EIF4ENIF1: variants seen among roughly 807,000 people sequenced by gnomAD.
EIF4ENIF1 encodes eukaryotic translation initiation factor 4E nuclear import factor 1.
Under a neutral mutation model 110.5 loss-of-function variants are expected in EIF4ENIF1, and 23 were observed. The ratio of observed to expected loss-of-function variants is 0.21; its 90% CI spans 0.15 to 0.29. EIF4ENIF1 has a LOEUF of 0.29. Ranked by LOEUF, EIF4ENIF1 falls within the 10% of genes least tolerant of loss-of-function variation. The pLI is 1.00. For missense variants in EIF4ENIF1, 1,031 were observed against 1,221.1 expected, an observed-to-expected ratio of 0.84 and a Z score of 2.32; for synonymous variants, 440 against 437.0, an observed-to-expected ratio of 1.01 and a Z score of -0.09.
rs182495513 is a variant in EIF4ENIF1, at chr22:31,479,129, C to T, written c.97-7212G>A. On this transcript the variant is annotated intron_variant, in intron 2 of 18. Transcript: ENST00000330125. ...ATGGAATCTCACTCTGTCACCAAGG[C>T]GATCTCAGCTCACTGCAACCTCTGC... Among the ~76,000 whole-genome samples, 5 of 150,732 alleles carry T rather than the reference C, an allele frequency of 3.3e-5. No homozygotes were observed. In the East Asian group the frequency reaches 9.8e-4, roughly 30 times the overall value.
intron 4 of EIF4ENIF1, among the ~76,000 whole-genome samples, chr22:31,466,282 G>A (rs905091322): frequency 5.3e-5 from 8 of 152,116 alleles, no homozygotes; most frequent in South Asian, 2.1e-4. Context: ...GCATGGTGGC[G>A]CACGCCTATA....
chr22:31,453,659 C>T (rs1601585042), intron 10 of EIF4ENIF1, among the ~76,000 whole-genome samples: 1 of 152,284 alleles, frequency 6.6e-6, no homozygotes. Flanking sequence ...ACGCGTGAGC[C>T]ACTGTGCTCA....
chr22:31,470,781 C>G (rs2051349085), intron 3 of EIF4ENIF1, among the ~76,000 whole-genome samples: 1 of 149,612 alleles, frequency 6.7e-6, no homozygotes, highest in Non-Finnish European at 1.5e-5. Flanking sequence ...CTCCTGGGCT[C>G]AAGCAAACCT....
At chr22:31,461,740 A>C (rs2051001566) in intron 6 of EIF4ENIF1, 1 of 152,190 alleles carries the variant, frequency 6.6e-6, no homozygotes, top group Non-Finnish European at 1.5e-5. Flanking sequence ...TCCTGAAACT[A>C]AGTTTGAGAG....
intron 14 of EIF4ENIF1, among the ~76,000 whole-genome samples, 191 bp from the exon 15 acceptor site, chr22:31,444,881 A>C (rs866072434): frequency 9.9e-5 from 15 of 152,244 alleles, no homozygotes; most frequent in African/African-American, 2.9e-4. Flanking sequence ...AAGGAAAATG[A>C]AACACAGTCC....
intron 2 of EIF4ENIF1, among the ~76,000 whole-genome samples, chr22:31,472,898 A>G (rs1429356134): frequency 6.6e-6 from 1 of 152,148 alleles, no homozygotes; most frequent in African/African-American, 2.4e-5. Context: ...CTGCTCTGCT[A>G]TCAAACATTA....
At chr22:31,464,699 AATATATATAT>A (rs1230573468) in intron 4 of EIF4ENIF1, among the ~76,000 whole-genome samples, 9 of 39,106 alleles carry the variant, frequency 2.3e-4, no homozygotes, top group South Asian at 8.5e-4. Context: ...AAAAAAAAAA[AATATATATAT>A]ATATATATAT....
At chr22:31,443,266 G>A in intron 15 of EIF4ENIF1, 172 bp from the exon 16 acceptor site, 1 of 854,422 alleles carries the variant, frequency 1.2e-6, no homozygotes. Context: ...GGGCAAATAG[G>A]CAGTGTCCCA....
At chr22:31,445,953 G>GCGCC in intron 14 of EIF4ENIF1, among the ~76,000 whole-genome samples, 1 of 97,452 alleles carries the variant, frequency 1.0e-5, no homozygotes, top group East Asian at 4.3e-4. Flanking sequence ...GTTACGTACC[G>GCGCC]CCCCCCCCCC....
intron 11 of EIF4ENIF1, 80 bp downstream of exon 11, chr22:31,450,209 A>T: frequency 1.8e-6 from 2 of 1,128,972 alleles, no homozygotes; most frequent in Non-Finnish European, 2.6e-6. Context: ...TCTAAGGCCC[A>T]AAGTTGGACC....
rs111410836 is a variant in EIF4ENIF1 at position 31,449,046 on chromosome 22, T to G, written c.1768+302A>C. On this transcript the variant is annotated intron_variant, in intron 12 of 18. Transcript: ENST00000330125. The stretch of plus-strand genomic sequence containing the variant: ...ATTTTTTTGAGACAGAGTCTCGCTC[T>G]GTCGCCCAGGCTGGAGTACAGTGGC... 2.0e-5 allele frequency among the ~76,000 whole-genome samples: 3 copies of G among 152,344 alleles called. No homozygotes were observed. The East Asian group carries it at 5.8e-4, about 29-fold the overall frequency.
intron 14 of EIF4ENIF1, among the ~76,000 whole-genome samples, chr22:31,445,858 G>A (rs1009007001): frequency 2.0e-5 from 3 of 151,932 alleles, no homozygotes; most frequent in Non-Finnish European, 4.4e-5. Flanking sequence ...AAAACATGAA[G>A]GCTAGACTGA....
chr22:31,483,331 C>T (rs1353393735), intron 2 of EIF4ENIF1, among the ~76,000 whole-genome samples: 2 of 150,170 alleles, frequency 1.3e-5, no homozygotes, highest in Non-Finnish European at 2.9e-5. Flanking sequence ...CCCTGTGTAG[C>T]TGAGACTACA....
At chr22:31,439,181 G>A (rs1489634506), downstream of EIF4ENIF1, among the ~76,000 whole-genome samples, 1 of 152,298 alleles carries the variant, frequency 6.6e-6, no homozygotes, top group Middle Eastern at 3.4e-3. Flanking sequence ...TTAGTGGCAT[G>A]TGCCTGTAGT....
At chr22:31,457,136 G>C (rs1371707803) in intron 7 of EIF4ENIF1, among the ~76,000 whole-genome samples, 2 of 152,196 alleles carry the variant, frequency 1.3e-5, no homozygotes, top group African/African-American at 2.4e-5. Context: ...TTTAGAAAAA[G>C]TATGATTGTG....
At chr22:31,463,562 A>G (rs1890987991) in intron 5 of EIF4ENIF1, 119 bp downstream of exon 5, 3 of 1,032,280 alleles carry the variant, frequency 2.9e-6, no homozygotes, top group South Asian at 1.8e-5. Flanking sequence ...CGTGCCTATA[A>G]TCCCAGATAC....
Position 31,444,709 on chromosome 22 carries a change from T to A in EIF4ENIF1, c.1989-19A>T, listed in dbSNP as rs2050407271. On this transcript the variant is annotated intron_variant, in intron 14 of 18. Transcript: ENST00000330125. ...CTGTTGCCTGTGAACAAACCAATTA[T>A]CAGCATGAACCCCAATCTGCTTAAC... 6.2e-7 allele frequency: 1 copy of A among 1,610,566 alleles called. No homozygotes were observed. The highest frequency in any genetic ancestry group is 8.5e-7 in the Non-Finnish European group (1 of 1,179,140).
chr22:31,456,134 AC>A, intron 7 of EIF4ENIF1, 147 bp from the exon 8 acceptor site: 2 of 764,956 alleles, frequency 2.6e-6, no homozygotes, highest in Non-Finnish European at 4.0e-6. Context: ...GAATTTGAAC[AC>A]CTTTTTCTTC....
Position 31,449,517 on chromosome 22 carries a change from T to C in EIF4ENIF1, c.1599A>G (p.Gln533=). The change falls in exon 12 of 19, where the codon CAA becomes CAG. Residue 533 remains glutamine, a synonymous_variant. Coordinates refer to ENST00000330125, the MANE Select transcript of EIF4ENIF1 (RefSeq NM_019843.4). Reference sequence around the variant, plus strand: ...TGGAAGAAGCAGGTCTCTGAACTGGTTGACCCAGAAGTTCCTAAAGGCAGA... The same window carrying C: ...TGGAAGAAGCAGGTCTCTGAACTGGCTGACCCAGAAGTTCCTAAAGGCAGA... ...PKNILQELLG[Q]PVQRPASSNL... 6.2e-7 allele frequency: 1 copy of C among 1,613,094 alleles called. No homozygotes were observed. Among genetic ancestry groups the C allele is most frequent in the Non-Finnish European group, 8.5e-7 (1 of 1,179,730 alleles).
Sources: allele counts gnomAD v4.1 joint callset (sites outside exome capture counted in the v4.1 genomes callset), GRCh38; gene constraint gnomAD v4.1.1; transcripts MANE v1.5; gene names NCBI Gene and HGNC (gene_info 2026-07-23, HGNC 2026-07-21).